Variants in ACTN1 observed in about 807,000 individuals in gnomAD.
ACTN1 encodes the protein alpha-actinin-1.
ACTN1 carries 30 observed loss-of-function variants against 119.6 expected under a neutral mutation model. The ratio of observed to expected loss-of-function variants is 0.25; its 90% CI spans 0.19 to 0.34. The LOEUF (loss-of-function observed/expected upper bound fraction) is 0.34, where lower values mean the gene tolerates loss of function less well. ACTN1 is among the 10% of genes least tolerant of loss of function. The probability of loss-of-function intolerance (pLI) is 1.00; values close to 1 mark genes in which losing one functional copy is unlikely to be tolerated. For synonymous variants in ACTN1, 429 were observed against 472.6 expected (o/e 0.91, Z 1.20); for missense variants, 764 against 1,223.4 (o/e 0.62, Z 5.60).
chr14:68,919,411 G>C (rs2034520726), intron 3 of ACTN1, among the ~76,000 whole-genome samples: 2 of 152,216 alleles, frequency 1.3e-5, no homozygotes, highest in African/African-American at 4.8e-5. Context: ...TCCCACGCCT[G>C]CTTAGTTATA....
intron 21 of ACTN1, 91 bp from the exon 22 acceptor site, chr14:68,875,108 G>T: frequency 6.4e-7 from 1 of 1,570,634 alleles, no homozygotes; most frequent in Non-Finnish European, 8.6e-7. Flanking sequence ...GCGGCGTGAA[G>T]GCAGCATGTG....
chr14:68,893,661 G>A lies in ACTN1; in HGVS notation c.849C>T (p.Ala283=). The part of the protein sequence containing the change: ...EQLMEDYEKL[A]SDLLEWIRRT... ...TGAACCCGGGGGTACCCACATCACT[G>A]GCCAGCTTCTCGTAGTCTTCCATAA... Residue 283 remains alanine, a synonymous_variant, in exon 9 of 22, where the codon GCC becomes GCT. Coordinates refer to ENST00000394419, the MANE Select transcript of ACTN1 (RefSeq NM_001130004.2). The A allele has an allele frequency of 1.9e-6, 3 of 1,614,026 alleles. No homozygotes were observed. The highest frequency in any genetic ancestry group is 1.1e-5 in the South Asian group (1 of 91,072).
At chr14:68,956,100 G>A (rs139102644) in intron 1 of ACTN1, among the ~76,000 whole-genome samples, 88 of 152,228 alleles carry the variant, frequency 5.8e-4, no homozygotes, top group African/African-American at 2.0e-3. Flanking sequence ...AGGGGTCCAA[G>A]GCTGTCGTGA....
intron 1 of ACTN1, among the ~76,000 whole-genome samples, chr14:68,933,608 C>G (rs865783670): frequency 1.3e-5 from 2 of 152,106 alleles, no homozygotes; most frequent in Admixed American, 6.6e-5. Context: ...GGAGGTGGCC[C>G]GGGGCAGAAG....
chr14:68,956,880 A>G (rs1379312740), intron 1 of ACTN1, among the ~76,000 whole-genome samples: 1 of 152,094 alleles, frequency 6.6e-6, no homozygotes, highest in East Asian at 1.9e-4. Flanking sequence ...GGGGAGAGAC[A>G]AAGCGGGTAG....
Position 68,885,782 on chromosome 14 carries a change from G to A in ACTN1, c.1235-207C>T. ...GCAACGGGGAAAAGCACTCTCCTCAGAGCACTTCCAAGGCCATGAAAGTGT... is the reference window on the plus strand; with the variant it reads ...GCAACGGGGAAAAGCACTCTCCTCAAAGCACTTCCAAGGCCATGAAAGTGT... On this transcript the variant is annotated intron_variant, in intron 11 of 21. Transcript: ENST00000394419. This position sits in a 1 kb window ranked among gnomAD's most constrained non-coding sequence, Gnocchi z 5.6. 1 of 597,902 alleles carries A rather than the reference G, an allele frequency of 1.7e-6. No homozygotes were observed. Among genetic ancestry groups the A allele is most frequent in the Non-Finnish European group, 2.9e-6 (1 of 340,478 alleles). 37.0% of individuals were successfully genotyped at this position (597,902 alleles called of 1,614,324 possible).
intron 1 of ACTN1, among the ~76,000 whole-genome samples, chr14:68,926,428 G>A (rs2034928149): frequency 6.6e-6 from 1 of 152,190 alleles, no homozygotes; most frequent in African/African-American, 2.4e-5. Context: ...AACAGGAAGA[G>A]GGTGTCTCAA....
intron 8 of ACTN1, chr14:68,901,093 TGAA>T (rs2140229170): frequency 6.7e-6 from 1 of 149,572 alleles, no homozygotes; most frequent in East Asian, 2.0e-4. Context: ...AGAGAAAAAA[TGAA>T]ACAGCAGGGG....
chr14:68,932,264 T>C (rs1227089371), intron 1 of ACTN1, among the ~76,000 whole-genome samples: 1 of 151,358 alleles, frequency 6.6e-6, no homozygotes, highest in African/African-American at 2.4e-5. Context: ...GTGAAAAGAC[T>C]AGACTGGCTG....
At position 68,878,688 on chromosome 14, in the gene ACTN1, A is replaced by T. The variant is rs1188455168; in HGVS notation, c.2362-165T>A. On this transcript the variant is annotated intron_variant, in intron 19 of 21. Coordinates refer to ENST00000394419, the MANE Select transcript of ACTN1 (RefSeq NM_001130004.2). The surrounding 1 kb of genome is among the most constrained non-coding windows in gnomAD (Gnocchi z 4.4). ...GGAACATAGGAGAAGATGCGAACAC[A>T]CATCGGTGGAAATGTCCAAAGACAG... 7 of 1,538,470 alleles carry T rather than the reference A, an allele frequency of 4.5e-6. No individual in the cohort carries two copies. Among genetic ancestry groups the T allele is most frequent in the Non-Finnish European group, 6.1e-6 (7 of 1,146,914 alleles).
intron 8 of ACTN1, among the ~76,000 whole-genome samples, chr14:68,894,405 A>C (rs1414379378): frequency 6.6e-6 from 1 of 152,186 alleles, no homozygotes; most frequent in Non-Finnish European, 1.5e-5. Context: ...AGCACACATC[A>C]TGCGCTGCGT....
chr14:68,939,838 C>A (rs2035704442), intron 1 of ACTN1, among the ~76,000 whole-genome samples: 1 of 152,106 alleles, frequency 6.6e-6, no homozygotes, highest in African/African-American at 2.4e-5. Context: ...GTTCCAGGAC[C>A]CCGCTAAGCC....
At position 68,875,032 on chromosome 14, in the gene ACTN1, T is replaced by A. The variant is rs768184934; in HGVS notation, c.2587-15A>T. 2 of 1,611,384 alleles carry A rather than the reference T, an allele frequency of 1.2e-6. No individual in the cohort carries two copies. The highest frequency in any genetic ancestry group is 1.7e-6 in the Non-Finnish European group (2 of 1,179,812). On this transcript the variant is annotated splice_polypyrimidine_tract_variant and intron_variant, in intron 21 of 21. Coordinates refer to ENST00000394419, the MANE Select transcript of ACTN1 (RefSeq NM_001130004.2). The stretch of plus-strand genomic sequence containing the variant: ...GTAATGTAGTTCTGCGAGGAGAGAG[T>A]GGTCAGGAAGGCCGCAAAGTCCAGC...
chr14:68,910,659 C>A (rs1004045749), intron 4 of ACTN1, among the ~76,000 whole-genome samples: 1 of 152,034 alleles, frequency 6.6e-6, no homozygotes, highest in African/African-American at 2.4e-5. Context: ...ACACTACCCC[C>A]CTGCTAGGTT....
At chr14:68,952,695 C>T (rs1594865591) in intron 1 of ACTN1, among the ~76,000 whole-genome samples, 1 of 152,046 alleles carries the variant, frequency 6.6e-6, no homozygotes, top group East Asian at 1.9e-4. Context: ...TTTCCCCCAC[C>T]CCCTACCTTG....
intron 1 of ACTN1, among the ~76,000 whole-genome samples, chr14:68,958,063 G>C (rs557562863): frequency 6.6e-6 from 1 of 152,144 alleles, no homozygotes; most frequent in African/African-American, 2.4e-5. Context: ...CCGGGGTCCC[G>C]ACCTCTTGGG....
At chr14:68,901,832 G>A (rs777041783) in intron 8 of ACTN1, among the ~76,000 whole-genome samples, 1 of 152,236 alleles carries the variant, frequency 6.6e-6, no homozygotes, top group Non-Finnish European at 1.5e-5. Flanking sequence ...AACTGGGCCA[G>A]GACACTTGAC....
At chr14:68,967,340 C>T (rs1242407533) in intron 1 of ACTN1, among the ~76,000 whole-genome samples, 6 of 152,254 alleles carry the variant, frequency 3.9e-5, no homozygotes, top group African/African-American at 1.4e-4. Context: ...GCCCTCACCA[C>T]CACTGTTCAT....
At chr14:68,901,782 C>T (rs2033354165) in intron 8 of ACTN1, among the ~76,000 whole-genome samples, 2 of 152,194 alleles carry the variant, frequency 1.3e-5, no homozygotes, top group Admixed American at 1.3e-4. Flanking sequence ...TGGTGCAGAA[C>T]CTGCACGACT....
Sources: allele counts gnomAD v4.1 joint callset (sites outside exome capture counted in the v4.1 genomes callset), GRCh38; gene constraint gnomAD v4.1.1; non-coding constraint Gnocchi (gnomAD v3.1); transcripts MANE v1.5; gene names NCBI Gene and HGNC (gene_info 2026-07-23, HGNC 2026-07-21).